DST: variants seen among roughly 807,000 people sequenced by gnomAD.
DST encodes the protein dystonin.
A neutral mutation model predicts 875.2 loss-of-function variants in DST; 253 were observed. The ratio of observed to expected loss-of-function variants is 0.29; its 90% CI spans 0.26 to 0.32. The LOEUF (loss-of-function observed/expected upper bound fraction) is 0.32. Among genes scored for constraint, DST ranks in the 10% least tolerant of loss-of-function variants. The probability of loss-of-function intolerance (pLI) is 1.00; values close to 1 mark genes in which losing one functional copy is unlikely to be tolerated. For synonymous variants in DST, 3,124 were observed against 3,197.1 expected, an observed-to-expected ratio of 0.98 and a Z score of 0.77; for missense variants, 8,287 against 9,111.6, an observed-to-expected ratio of 0.91 and a Z score of 3.68.
rs772977828 is a variant in DST at position 56,578,952 on chromosome 6, G to C, written c.12904-15C>G. ...CCTTGCAAAGCCTGTAGGATTAAAC[G>C]CTTTTCAATTATACTCAGCAGGACT... On this transcript the variant is annotated splice_polypyrimidine_tract_variant and intron_variant, in intron 49 of 103. Coordinates refer to ENST00000680361, the MANE Select transcript of DST (RefSeq NM_001374736.1). 1.1e-5 allele frequency: 18 copies of C among 1,569,670 alleles called. No homozygotes were observed. Among genetic ancestry groups the C allele is most frequent in the Non-Finnish European group, 1.4e-5 (16 of 1,155,578 alleles).
intron 2 of DST, among the ~76,000 whole-genome samples, chr6:56,940,121 T>C (rs1278950580): frequency 6.6e-6 from 1 of 151,600 alleles, no homozygotes; most frequent in Non-Finnish European, 1.5e-5. Flanking sequence ...AAATATACTG[T>C]CAGGTAATGT....
intron 90 of DST, among the ~76,000 whole-genome samples, chr6:56,479,098 A>G (rs1224312296): frequency 6.6e-6 from 1 of 152,218 alleles, no homozygotes; most frequent in Admixed American, 6.5e-5. Context: ...CTCCATTGAA[A>G]ACTGGGAAAA....
In DST at chr6:56,476,359, C is replaced by T. The variant is rs1582490766; in HGVS notation, c.21676-22G>A. 2.6e-6 allele frequency: 4 copies of T among 1,521,672 alleles called. No homozygotes were observed. In the South Asian group the frequency reaches 5.1e-5, roughly 20 times the overall value. 94.3% of individuals were successfully genotyped at this position (1,521,672 alleles called of 1,614,324 possible). On this transcript the variant is annotated intron_variant, in intron 91 of 103. Transcript: ENST00000680361. ...GCACCTGTCAGAGAAACAGAAATTT[C>T]TCTGAATTTCCTCCAACTTAGTAAA... is the stretch of plus-strand genomic sequence containing the variant.
rs2098779746 is a variant in DST at position 56,631,510 on chromosome 6, CTTT to C, written c.3964-124_3964-122del. ...CCAATGACTTAGAAATCTACATATT[CTTT>C]GTTTGTTATCAAAGAAACTACATCA... On this transcript the variant is annotated intron_variant, in intron 29 of 103. Coordinates refer to ENST00000680361, the MANE Select transcript of DST (RefSeq NM_001374736.1). 12 of 812,668 alleles carry C rather than the reference CTTT, an allele frequency of 1.5e-5. No individual in the cohort carries two copies. The South Asian group carries it at 1.8e-4, about 12-fold the overall frequency. 50.3% of individuals were successfully genotyped at this position (812,668 alleles called of 1,614,324 possible).
intron 4 of DST, among the ~76,000 whole-genome samples, chr6:56,848,301 T>G (rs1274187671): frequency 6.6e-6 from 1 of 152,206 alleles, no homozygotes; most frequent in Non-Finnish European, 1.5e-5. Flanking sequence ...ATAGACACTT[T>G]CACAATCAAT....
At chr6:56,486,170 C>T (rs1335166238) in intron 87 of DST, among the ~76,000 whole-genome samples, 3 of 151,508 alleles carry the variant, frequency 2.0e-5, no homozygotes, top group Admixed American at 1.3e-4. Context: ...GAGACCATCC[C>T]GGCTAAAACG....
Position 56,600,124 on chromosome 6 carries a change from G to C in DST, c.11639C>G (p.Ala3880Gly), listed in dbSNP as rs750215717. 6 of 1,612,876 alleles carry C rather than the reference G, an allele frequency of 3.7e-6. No homozygotes were observed. Among genetic ancestry groups the C allele is most frequent in the South Asian group, 3.3e-5 (3 of 91,004 alleles). ...TENRLIGHQE[A>G]FMIGDGTVEL... ...AACTGTGCCATCTCCAATCATGAAG[G>C]CTTCTTGGTGACCAATTAGGCGGTT... Residue 3880 changes from alanine to glycine, a missense_variant, in exon 45 of 104, where the codon GCC becomes GGC. Physicochemically the swap from Ala to Gly is moderately conservative, Grantham distance 60. Around this residue, in one of 10 missense-constraint regions of DST, gnomAD observed 3,138 missense variants for 3,116.6 expected, o/e 1.01. Transcript: ENST00000680361.
intron 2 of DST, among the ~76,000 whole-genome samples, chr6:56,932,033 AG>A (rs1279868930): frequency 6.6e-6 from 1 of 152,060 alleles, no homozygotes; most frequent in Non-Finnish European, 1.5e-5. Context: ...TGAGATTAGG[AG>A]GGGCCAGGGG....
chr6:56,620,639 T>C (rs756243848), intron 36 of DST: 4 of 1,614,192 alleles, frequency 2.5e-6, no homozygotes, highest in Non-Finnish European at 3.4e-6. Context: ...TTTGCTATTC[T>C]CAAGCACTGT....
chr6:56,642,156 T>C, intron 16 of DST, 55 bp from the exon 17 acceptor site: 1 of 1,419,462 alleles, frequency 7.0e-7, no homozygotes. Flanking sequence ...CAAAACAACC[T>C]GAAATATAAA....
In DST at chr6:56,504,003, C is replaced by A; in HGVS notation, c.19560G>T (p.Glu6520Asp). The change falls in exon 78 of 104, where the codon GAG (glutamate) becomes GAT (aspartate). Residue 6520 changes from glutamate to aspartate, a missense_variant. This residue lies in a region of DST where 1,292 missense variants were observed against 1,552.7 expected (regional missense o/e 0.83). Coordinates refer to ENST00000680361, the MANE Select transcript of DST (RefSeq NM_001374736.1). ...AATTAGCCCCCACACATACCTTTAG[C>A]TCTTCAATCTGCTGCTTGACAGTTT... ...DLETVKQQIE[E>D]LKQFKSEAYQ... The A allele has an allele frequency of 6.2e-7, 1 of 1,606,958 alleles. No homozygotes were observed. The highest frequency in any genetic ancestry group is 8.5e-7 in the Non-Finnish European group (1 of 1,176,852).
intron 102 of DST, chr6:56,462,068 G>A (rs2094357269): frequency 6.6e-6 from 1 of 152,182 alleles, no homozygotes. Context: ...AAGCATAAGA[G>A]GGCTTTTAAA....
At position 56,640,553 on chromosome 6, in the gene DST, CAGA is replaced by C; in HGVS notation, c.2077_2079del (p.Ser693del). Reference sequence around the variant, plus strand: ...GTCAGTATGCGTCCTTTGCTGTACACAGAAGAACATTCGTTCCTTAAGGCCATA... The same window carrying C: ...GTCAGTATGCGTCCTTTGCTGTACACAGAACATTCGTTCCTTAAGGCCATA... On this transcript the variant is annotated inframe_deletion, in exon 18 of 104. Transcript: ENST00000680361. 6.2e-7 allele frequency: 1 copy of C among 1,614,176 alleles called. No homozygotes were observed. The highest frequency in any genetic ancestry group is 2.2e-5 in the East Asian group (1 of 44,886).
intron 73 of DST, 125 bp downstream of exon 73, chr6:56,511,072 C>T (rs1223731707): frequency 2.5e-6 from 2 of 804,802 alleles, no homozygotes; most frequent in Non-Finnish European, 3.9e-6. Context: ...ACACAGACAT[C>T]AATACTCAAG....
chr6:56,501,030 C>T (rs765797871), intron 80 of DST, 50 bp downstream of exon 80: 4 of 1,566,904 alleles, frequency 2.6e-6, no homozygotes, highest in Non-Finnish European at 8.7e-7. Flanking sequence ...AATCTGATGA[C>T]ACTAGAAATG....
chr6:56,628,738 G>T (rs776753240), intron 32 of DST, among the ~76,000 whole-genome samples: 1 of 152,168 alleles, frequency 6.6e-6, no homozygotes, highest in Non-Finnish European at 1.5e-5. Flanking sequence ...AAGCACGAAA[G>T]TGAATGAGAA....
At chr6:56,651,282 T>A in intron 10 of DST, 38 bp from the exon 11 acceptor site, 1 of 1,297,948 alleles carries the variant, frequency 7.7e-7, no homozygotes, top group South Asian at 1.3e-5. Flanking sequence ...GGTTTTCTCA[T>A]GTGCCAATTC....
intron 10 of DST, among the ~76,000 whole-genome samples, chr6:56,664,861 T>C (rs532550085): frequency 1.3e-5 from 2 of 152,174 alleles, no homozygotes; most frequent in South Asian, 2.1e-4. Flanking sequence ...TTGAAACTTT[T>C]CCACTGAAAA....
At chr6:56,636,442 G>GTA (rs1189805717) in intron 23 of DST, 115 bp downstream of exon 23, 72 of 756,020 alleles carry the variant, frequency 9.5e-5, no homozygotes, top group African/African-American at 8.7e-4. Flanking sequence ...ATATATGTGT[G>GTA]TATATATATA....
Sources: allele counts gnomAD v4.1 joint callset (sites outside exome capture counted in the v4.1 genomes callset), GRCh38; gene constraint gnomAD v4.1.1; regional missense constraint gnomAD v4.1.1; transcripts MANE v1.5; gene names NCBI Gene and HGNC (gene_info 2026-07-23, HGNC 2026-07-21).